NALF1: variants seen among roughly 807,000 people sequenced by gnomAD.
NALF1 encodes the protein NALCN channel auxiliary factor 1.
In NALF1, 3 loss-of-function variants were observed where a neutral mutation model predicts 48.4. That is an observed-to-expected ratio of 0.06 (90% CI 0.03 to 0.16). The LOEUF (loss-of-function observed/expected upper bound fraction) is 0.16, where lower values mean the gene tolerates loss of function less well. Among genes scored for constraint, NALF1 ranks in the 10% least tolerant of loss-of-function variants. The pLI, the probability that NALF1 is intolerant of heterozygous loss-of-function variation, is 1.00. For synonymous variants in NALF1, 262 were observed against 245.7 expected (o/e 1.07, Z -0.62); for missense variants, 526 against 571.5 (o/e 0.92, Z 0.81).
At chr13:107,370,688 C>A (rs559830485) in intron 1 of NALF1, among the ~76,000 whole-genome samples, 1 of 152,214 alleles carries the variant, frequency 6.6e-6, no homozygotes, top group South Asian at 2.1e-4. Context: ...TTGTATTAGT[C>A]CGTTCTCATG....
At chr13:107,238,311 G>A (rs1457296017) in intron 1 of NALF1, among the ~76,000 whole-genome samples, 1 of 152,176 alleles carries the variant, frequency 6.6e-6, no homozygotes, top group Non-Finnish European at 1.5e-5. Flanking sequence ...ATTAGAGGAA[G>A]GGCACTTTGA....
chr13:107,264,687 G>A (rs561225102), intron 1 of NALF1, among the ~76,000 whole-genome samples: 1 of 152,272 alleles, frequency 6.6e-6, no homozygotes, highest in South Asian at 2.1e-4. Context: ...GTGTTTTCCT[G>A]TGCATTTGTG....
rs962005570 is a variant in NALF1 at position 107,613,175 on chromosome 13, A to G, written c.915+252507T>C. Reference sequence around the variant, plus strand: ...TTTGTTTCCTGCTTGTTCTACTCACAGACACTAACTTTGGAGCTTTTTTCC... The same window carrying G: ...TTTGTTTCCTGCTTGTTCTACTCACGGACACTAACTTTGGAGCTTTTTTCC... On this transcript the variant is annotated intron_variant, in intron 1 of 2. Transcript: ENST00000375915. 1.3e-4 allele frequency among the ~76,000 whole-genome samples: 20 copies of G among 152,166 alleles called. 1 individual carries two copies. The highest frequency in any genetic ancestry group is 2.4e-4 in the Non-Finnish European group (16 of 68,030).
rs1242325916 is a variant in NALF1, at chr13:107,210,760, A to G, written c.916-5T>C. 3.1e-6 allele frequency: 5 copies of G among 1,606,960 alleles called. No individual in the cohort carries two copies. The highest frequency in any genetic ancestry group is 1.7e-5 in the Admixed American group (1 of 59,946). On this transcript the variant is annotated splice_polypyrimidine_tract_variant and splice_region_variant and intron_variant, in intron 1 of 2. Coordinates refer to ENST00000375915, the MANE Select transcript of NALF1 (RefSeq NM_001080396.3). Reference sequence around the variant, plus strand: ...GAGCCAGGCTTTGTAGACAATCTGAAAAAAAGAGAAGAATGAAAAATATAG... The same window carrying G: ...GAGCCAGGCTTTGTAGACAATCTGAGAAAAAGAGAAGAATGAAAAATATAG...
intron 1 of NALF1, among the ~76,000 whole-genome samples, chr13:107,730,574 C>T (rs1432479896): frequency 3.3e-5 from 5 of 152,124 alleles, no homozygotes; most frequent in African/African-American, 7.2e-5. Context: ...CTAATACTTG[C>T]TTTTCTAAGA....
intron 1 of NALF1, among the ~76,000 whole-genome samples, chr13:107,212,029 C>A (rs1208618744): frequency 6.6e-6 from 1 of 152,156 alleles, no homozygotes; most frequent in Non-Finnish European, 1.5e-5. Flanking sequence ...TAATAGTTAT[C>A]CTATATTTAA....
intron 1 of NALF1, among the ~76,000 whole-genome samples, chr13:107,519,356 G>C (rs923680358): frequency 1.1e-5 from 1 of 92,212 alleles, no homozygotes; most frequent in African/African-American, 3.1e-5. Flanking sequence ...CAGAGGATCC[G>C]GGAGGAGGAA....
chr13:107,538,963 CCATT>C (rs754288108), intron 1 of NALF1, among the ~76,000 whole-genome samples: 53 of 152,080 alleles, frequency 3.5e-4, no homozygotes, highest in South Asian at 2.1e-3. Context: ...ATCCATCCAT[CCATT>C]CATTCATTTT....
intron 1 of NALF1, among the ~76,000 whole-genome samples, chr13:107,682,719 G>A (rs561079898): frequency 2.2e-4 from 34 of 151,974 alleles, no homozygotes; most frequent in Non-Finnish European, 4.9e-4. Flanking sequence ...CCAGCCAGCC[G>A]ACCTTTGCCT....
At chr13:107,577,126 C>A (rs1008442627) in intron 1 of NALF1, among the ~76,000 whole-genome samples, 2 of 152,100 alleles carry the variant, frequency 1.3e-5, no homozygotes, top group Admixed American at 1.3e-4. Context: ...ATTTTGGAGT[C>A]CAGGTTAGTT....
intron 1 of NALF1, among the ~76,000 whole-genome samples, chr13:107,693,070 C>T (rs532865769): frequency 2.0e-5 from 3 of 152,240 alleles, no homozygotes; most frequent in Admixed American, 2.0e-4. Flanking sequence ...TGAGGAATCG[C>T]CACACTGTCT....
intron 1 of NALF1, among the ~76,000 whole-genome samples, chr13:107,762,832 T>TAC (rs36126565): frequency 6.6e-6 from 1 of 152,156 alleles, no homozygotes; most frequent in African/African-American, 2.4e-5. Flanking sequence ...ATGTCTTCCT[T>TAC]ACAAATATTT....
intron 1 of NALF1, among the ~76,000 whole-genome samples, chr13:107,542,748 C>T (rs2476779): frequency 0.16 from 24,303 of 151,996 alleles, 2,120 homozygotes; most frequent in Middle Eastern, 0.2. Context: ...GCTGATAATT[C>T]CATATGGCTA....
intron 1 of NALF1, among the ~76,000 whole-genome samples, chr13:107,447,489 A>C (rs1566346425): frequency 6.6e-6 from 1 of 152,214 alleles, no homozygotes; most frequent in Non-Finnish European, 1.5e-5. Context: ...AGGTTTCTGC[A>C]TAACACATAG....
At chr13:107,768,113 G>C (rs11069700) in intron 1 of NALF1, among the ~76,000 whole-genome samples, 7,394 of 152,170 alleles carry the variant, frequency 0.049, 617 homozygotes, top group East Asian at 0.43. Flanking sequence ...ATCGTCTGAG[G>C]CTCAGCTTCC....
intron 1 of NALF1, among the ~76,000 whole-genome samples, chr13:107,482,634 A>T (rs1364217447): frequency 4.6e-5 from 7 of 152,202 alleles, no homozygotes; most frequent in Non-Finnish European, 1.0e-4. Context: ...AAAATAGCCC[A>T]TTAAATTAAT....
intron 1 of NALF1, among the ~76,000 whole-genome samples, chr13:107,222,084 C>T (rs1317643086): frequency 1.3e-5 from 2 of 152,142 alleles, no homozygotes; most frequent in Non-Finnish European, 2.9e-5. Context: ...CTTATTAACA[C>T]AAGCTTGAAA....
At chr13:107,676,577 A>T (rs1881128441) in intron 1 of NALF1, among the ~76,000 whole-genome samples, 1 of 143,554 alleles carries the variant, frequency 7.0e-6, no homozygotes, top group Non-Finnish European at 1.5e-5. Flanking sequence ...TTTATGTGAT[A>T]TCATTAAATC....
intron 1 of NALF1, among the ~76,000 whole-genome samples, chr13:107,815,970 T>C (rs944710294): frequency 5.9e-5 from 9 of 152,040 alleles, no homozygotes; most frequent in African/African-American, 2.2e-4. Flanking sequence ...GTGCCTAGGA[T>C]TGGGGGTATT....
Sources: gnomAD v4.1 joint callset for allele counts (sites outside exome capture counted in the v4.1 genomes callset) on GRCh38, gnomAD v4.1.1 for gene constraint, MANE v1.5 for transcripts, NCBI Gene and HGNC (gene_info 2026-07-23, HGNC 2026-07-21) for gene names.